Variants in CLDN10 observed in about 807,000 individuals in gnomAD.
The protein encoded by CLDN10 is claudin 10.
In CLDN10, 15 loss-of-function variants were observed where a neutral mutation model predicts 22.9. The ratio of observed to expected loss-of-function variants is 0.65; its 90% CI spans 0.44 to 1.01. The LOEUF (loss-of-function observed/expected upper bound fraction) is 1.01, where lower values mean the gene tolerates loss of function less well. Ranked by LOEUF, CLDN10 falls within the 50% of genes least tolerant of loss-of-function variation. CLDN10 has a pLI of 0.00. For missense variants in CLDN10, 247 were observed against 287.8 expected (o/e 0.86, Z 1.03); for synonymous variants, 114 against 111.4 (o/e 1.02, Z -0.15).
At chr13:95,468,119 C>T (rs894595233) in intron 1 of CLDN10, among the ~76,000 whole-genome samples, 1 of 152,278 alleles carries the variant, frequency 6.6e-6, no homozygotes, top group Non-Finnish European at 1.5e-5. Flanking sequence ...CACACCATGG[C>T]CCAGTCAAGT....
intron 1 of CLDN10, among the ~76,000 whole-genome samples, chr13:95,496,403 G>T (rs1168849346): frequency 5.3e-5 from 8 of 152,162 alleles, no homozygotes; most frequent in Admixed American, 5.2e-4. Flanking sequence ...GGCATCATTG[G>T]TCCTTTAAGA....
chr13:95,450,033 C>T (rs773254969), intron 1 of CLDN10, among the ~76,000 whole-genome samples: 23 of 152,120 alleles, frequency 1.5e-4, no homozygotes, highest in African/African-American at 4.8e-4. Flanking sequence ...TGAGCCACCA[C>T]GCCCGGCCTT....
upstream of CLDN10, among the ~76,000 whole-genome samples, chr13:95,550,269 G>T (rs139429261): frequency 3.0e-3 from 458 of 152,288 alleles, 1 homozygote; most frequent in African/African-American, 0.01. Context: ...TTTGCAGACT[G>T]GTTTAAAACA....
chr13:95,510,024 C>T (rs2043079202), intron 1 of CLDN10, among the ~76,000 whole-genome samples: 1 of 152,188 alleles, frequency 6.6e-6, no homozygotes, highest in South Asian at 2.1e-4. Context: ...TTCTAAACTA[C>T]CAAAACTACC....
chr13:95,471,491 C>T (rs377335549), intron 1 of CLDN10, among the ~76,000 whole-genome samples: 40 of 136,696 alleles, frequency 2.9e-4, no homozygotes, highest in Non-Finnish European at 5.7e-4. Flanking sequence ...CTTGCTCTGT[C>T]GCCCAGGCTG....
chr13:95,540,447 T>C (rs1249850529), intron 1 of CLDN10, among the ~76,000 whole-genome samples: 2 of 151,882 alleles, frequency 1.3e-5, no homozygotes, highest in East Asian at 1.9e-4. Context: ...TGAGCCAAGA[T>C]AGCACCACTG....
intron 1 of CLDN10, among the ~76,000 whole-genome samples, chr13:95,441,353 T>C (rs1021920507): frequency 6.6e-6 from 1 of 152,118 alleles, no homozygotes; most frequent in Non-Finnish European, 1.5e-5. Flanking sequence ...TAAGCAATCC[T>C]CCCATCTCAT....
intron 1 of CLDN10, among the ~76,000 whole-genome samples, chr13:95,440,961 A>G (rs1488005038): frequency 6.6e-6 from 1 of 152,168 alleles, no homozygotes; most frequent in Non-Finnish European, 1.5e-5. Context: ...TCTTTCATGG[A>G]AGCATCAGAA....
chr13:95,458,598 C>T (rs922301425), intron 1 of CLDN10, among the ~76,000 whole-genome samples: 4 of 152,056 alleles, frequency 2.6e-5, no homozygotes, highest in African/African-American at 7.3e-5. Context: ...TCACTATTAC[C>T]AGAAGAGCAT....
At chr13:95,543,124 C>T (rs988385786) in intron 1 of CLDN10, among the ~76,000 whole-genome samples, 16 of 152,102 alleles carry the variant, frequency 1.1e-4, no homozygotes, top group African/African-American at 3.1e-4. Flanking sequence ...CCCAGCTACT[C>T]GGGAGGTTGA....
intron 1 of CLDN10, among the ~76,000 whole-genome samples, chr13:95,497,753 C>T (rs1246895331): frequency 6.6e-6 from 1 of 152,184 alleles, no homozygotes; most frequent in East Asian, 1.9e-4. Flanking sequence ...ACCTGTTCAG[C>T]ACTTTTGCAG....
intron 1 of CLDN10, among the ~76,000 whole-genome samples, chr13:95,540,823 G>A (rs1027363425): frequency 2.6e-5 from 4 of 152,334 alleles, no homozygotes; most frequent in Admixed American, 2.0e-4. Context: ...TGACACTGAC[G>A]ATACCAGTTT....
At chr13:95,554,621 T>C (rs1392867052) in intron 1 of CLDN10, among the ~76,000 whole-genome samples, 2 of 152,174 alleles carry the variant, frequency 1.3e-5, no homozygotes, top group South Asian at 4.1e-4. Flanking sequence ...CCTTCCTGTG[T>C]GCTCATGTGA....
rs73561567 is a variant in CLDN10 at position 95,475,872 on chromosome 13, C to T, written c.214+41825C>T. Among the ~76,000 whole-genome samples, 924 of 151,800 alleles carry T rather than the reference C, an allele frequency of 6.1e-3. 6 individuals are homozygous for T. The highest frequency in any genetic ancestry group is 0.021 in the African/African-American group (882 of 41,458). ...TCTCTCCCTCACCCTCTCTCCCTGTCGGGACTTGAGCACCATGGCTCTGCT... is the reference window on the plus strand; with the variant it reads ...TCTCTCCCTCACCCTCTCTCCCTGTTGGGACTTGAGCACCATGGCTCTGCT... On this transcript the variant is annotated intron_variant, in intron 1 of 4. Coordinates refer to the CLDN10 transcript ENST00000376873.
At chr13:95,475,435 A>C (rs1341208462) in intron 1 of CLDN10, among the ~76,000 whole-genome samples, 3 of 151,926 alleles carry the variant, frequency 2.0e-5, no homozygotes, top group Non-Finnish European at 4.4e-5. Context: ...CTCTGCAACC[A>C]CCATCAGATG....
rs118123473 is a variant in CLDN10 at position 95,483,318 on chromosome 13, T to A, written c.214+49271T>A. On this transcript the variant is annotated intron_variant, in intron 1 of 4. Coordinates refer to the CLDN10 transcript ENST00000376873. The stretch of plus-strand genomic sequence containing the variant: ...TAGGGTGAAAATTATCTAAGCTTAT[T>A]TCTCAATTTCCCTCTCCTCCCCTCA... Among the ~76,000 whole-genome samples the A allele has an allele frequency of 4.7e-4, 71 of 152,224 alleles. No homozygotes were observed. In the East Asian group the frequency reaches 0.013, roughly 28 times the overall value.
chr13:95,530,577 T>C (rs1424941291), intron 1 of CLDN10, among the ~76,000 whole-genome samples: 1 of 152,198 alleles, frequency 6.6e-6, no homozygotes, highest in Non-Finnish European at 1.5e-5. Flanking sequence ...AGAGATCAAA[T>C]CCCAAATTTC....
chr13:95,467,529 T>TTTGGG (rs34372824), intron 1 of CLDN10, among the ~76,000 whole-genome samples: 1 of 150,788 alleles, frequency 6.6e-6, no homozygotes, highest in African/African-American at 2.4e-5. Context: ...TTGTTTTTTT[T>TTTGGG]GGGGGGGGCA....
At chr13:95,457,171 C>T (rs1594531488) in intron 1 of CLDN10, among the ~76,000 whole-genome samples, 1 of 152,160 alleles carries the variant, frequency 6.6e-6, no homozygotes, top group Admixed American at 6.5e-5. Flanking sequence ...TTTAGCAGGA[C>T]TATGTCTTAA....
Sources: gnomAD v4.1 joint callset for allele counts (sites outside exome capture counted in the v4.1 genomes callset) on GRCh38, gnomAD v4.1.1 for gene constraint, MANE v1.5 for transcripts, NCBI Gene and HGNC (gene_info 2026-07-23, HGNC 2026-07-21) for gene names.